TPO: variants seen among roughly 807,000 people sequenced by gnomAD.
TPO encodes thyroid peroxidase.
A neutral mutation model predicts 96.9 loss-of-function variants in TPO; 78 were observed. That is an observed-to-expected ratio of 0.81 (90% CI 0.67 to 0.97). The LOEUF (loss-of-function observed/expected upper bound fraction) is 0.97. Ranked by LOEUF, TPO falls within the 50% of genes least tolerant of loss-of-function variation. The probability of loss-of-function intolerance (pLI) is 0.00; values close to 1 mark genes in which losing one functional copy is unlikely to be tolerated. For synonymous variants in TPO, 547 were observed against 538.0 expected (o/e 1.02, Z -0.23); for missense variants, 1,252 against 1,274.8 (o/e 0.98, Z 0.27).
chr2:1,511,128 C>T (rs947681298), intron 14 of TPO, among the ~76,000 whole-genome samples: 12 of 149,288 alleles, frequency 8.0e-5, no homozygotes, highest in African/African-American at 2.7e-4. Flanking sequence ...CCTAACGTTG[C>T]GGTTAAAGGA....
At chr2:1,484,444 T>C (rs533470963) in intron 8 of TPO, 152 bp from the exon 9 acceptor site, 1 of 966,878 alleles carries the variant, frequency 1.0e-6, no homozygotes, top group East Asian at 2.6e-5. Flanking sequence ...CAAGAAGGCA[T>C]TTCTGGGAAG....
At chr2:1,427,423 G>T (rs1395311640) in intron 3 of TPO, among the ~76,000 whole-genome samples, 1 of 152,228 alleles carries the variant, frequency 6.6e-6, no homozygotes, top group Non-Finnish European at 1.5e-5. Context: ...GGCAGGCATT[G>T]TGTCTGGGCC....
At chr2:1,526,404 C>T (rs1182753014) in intron 15 of TPO, among the ~76,000 whole-genome samples, 1 of 96,124 alleles carries the variant, frequency 1.0e-5, no homozygotes, top group Non-Finnish European at 2.0e-5. Flanking sequence ...GAGCAACCCC[C>T]CCAAATCAAC....
At chr2:1,433,350 A>G (rs1280162260) in intron 3 of TPO, 88 bp from the exon 4 acceptor site, 8 of 1,534,534 alleles carry the variant, frequency 5.2e-6, no homozygotes, top group African/African-American at 4.1e-5. Flanking sequence ...GTAGTTACTC[A>G]ATAAATGTCT....
intron 1 of TPO, among the ~76,000 whole-genome samples, chr2:1,388,729 G>T (rs1445319517): frequency 6.6e-6 from 1 of 152,134 alleles, no homozygotes; most frequent in East Asian, 1.9e-4. Context: ...TGCACCCACT[G>T]TCTGACAAGC....
chr2:1,443,739 C>T (rs1275963495), intron 5 of TPO, among the ~76,000 whole-genome samples: 1 of 102,598 alleles, frequency 9.7e-6, no homozygotes, highest in African/African-American at 3.9e-5. Context: ...GTCATTGCTG[C>T]GGGAGGCACC....
At chr2:1,436,427 T>C in intron 5 of TPO, 43 bp downstream of exon 5, 1 of 1,613,598 alleles carries the variant, frequency 6.2e-7, no homozygotes, top group Non-Finnish European at 8.5e-7. Flanking sequence ...GAAAGTTGGA[T>C]CTGAACATGA....
intron 2 of TPO, among the ~76,000 whole-genome samples, chr2:1,417,969 G>A (rs1002266325): frequency 2.2e-4 from 33 of 148,282 alleles, no homozygotes; most frequent in East Asian, 6.1e-4. Flanking sequence ...GGCCAGTGCC[G>A]TGACTCACAT....
At chr2:1,389,023 T>G (rs1320418685) in intron 1 of TPO, among the ~76,000 whole-genome samples, 2 of 152,232 alleles carry the variant, frequency 1.3e-5, no homozygotes, top group African/African-American at 4.8e-5. Flanking sequence ...AGTTTTTTTG[T>G]GTTTTATTTT....
chr2:1,506,036 C>G (rs1210207971), intron 14 of TPO, among the ~76,000 whole-genome samples: 6 of 151,468 alleles, frequency 4.0e-5, no homozygotes, highest in Non-Finnish European at 8.8e-5. Context: ...TCCTTCCCCC[C>G]TCCCCCAACC....
chr2:1,485,139 G>A (rs1489916826), intron 9 of TPO, among the ~76,000 whole-genome samples: 1 of 151,224 alleles, frequency 6.6e-6, no homozygotes, highest in Non-Finnish European at 1.5e-5. Context: ...CCACCTATGA[G>A]TGAGAACATG....
chr2:1,434,558 G>C (rs1274805587), intron 4 of TPO, among the ~76,000 whole-genome samples: 1 of 152,122 alleles, frequency 6.6e-6, no homozygotes, highest in Non-Finnish European at 1.5e-5. Flanking sequence ...ACGGGACACT[G>C]TCCTGTCCAC....
At chr2:1,454,037 C>T (rs1667562851) in intron 6 of TPO, among the ~76,000 whole-genome samples, 1 of 152,188 alleles carries the variant, frequency 6.6e-6, no homozygotes, top group African/African-American at 2.4e-5. Flanking sequence ...GTGAGTGGAA[C>T]CCTGCAGATT....
chr2:1,382,300 A>G (rs1048502827), intron 1 of TPO, among the ~76,000 whole-genome samples: 1 of 152,110 alleles, frequency 6.6e-6, no homozygotes, highest in Non-Finnish European at 1.5e-5. Flanking sequence ...AGCTCCACAC[A>G]GTTGCTCTTT....
At chr2:1,518,488 T>C (rs1674934526) in intron 15 of TPO, among the ~76,000 whole-genome samples, 1 of 152,228 alleles carries the variant, frequency 6.6e-6, no homozygotes, top group South Asian at 2.1e-4. Flanking sequence ...ATCCTGTCTC[T>C]CTGGGGCTGA....
intron 15 of TPO, among the ~76,000 whole-genome samples, chr2:1,537,659 CAA>C (rs1680127902): frequency 1.6e-5 from 2 of 124,796 alleles, no homozygotes; most frequent in Non-Finnish European, 3.3e-5. Flanking sequence ...CCAATGTGTG[CAA>C]CCTCCGCAAA....
intron 14 of TPO, 88 bp downstream of exon 14, chr2:1,504,167 T>C: frequency 6.3e-7 from 1 of 1,599,770 alleles, no homozygotes; most frequent in Non-Finnish European, 8.5e-7. Context: ...CAACTGTCAA[T>C]CACCATCTTG....
Position 1,456,160 on chromosome 2 carries a change from TG to T in TPO, c.701del (p.Gly234AspfsTer28). 6.2e-7 allele frequency: 1 copy of T among 1,614,068 alleles called. No homozygotes were observed. The highest frequency in any genetic ancestry group is 8.5e-7 in the Non-Finnish European group (1 of 1,180,034). On this transcript the variant is annotated frameshift_variant, in exon 7 of 17. Transcript: ENST00000329066. LOFTEE classifies it high-confidence loss of function. Reference sequence around the variant, plus strand: ...CCGCTATTCTGACCTCCTGATGGCATGGGGACAATACATCGACCACGACATC... The same window carrying T: ...CCGCTATTCTGACCTCCTGATGGCATGGGACAATACATCGACCACGACATC... ...DDRYSDLLMA[W>X]GQYIDHDIAF... is the part of the protein sequence containing the mutation.
At chr2:1,427,604 G>A (rs1223374485) in intron 3 of TPO, among the ~76,000 whole-genome samples, 1 of 152,212 alleles carries the variant, frequency 6.6e-6, no homozygotes, top group Non-Finnish European at 1.5e-5. Flanking sequence ...GAGAGTGGGA[G>A]CAACTGTCTC....
Sources: allele counts gnomAD v4.1 joint callset (sites outside exome capture counted in the v4.1 genomes callset), GRCh38; gene constraint gnomAD v4.1.1; transcripts MANE v1.5; gene names NCBI Gene and HGNC (gene_info 2026-07-23, HGNC 2026-07-21).